PBRM1: variants seen among roughly 807,000 people sequenced by gnomAD.
PBRM1 encodes the protein protein polybromo-1.
PBRM1 carries 27 observed loss-of-function variants against 194.5 expected under a neutral mutation model. The observed-to-expected ratio is 0.14, with a 90% CI of 0.10 to 0.19. The LOEUF is 0.19. Among genes scored for constraint, PBRM1 ranks in the 10% least tolerant of loss-of-function variants. The probability of loss-of-function intolerance (pLI) is 1.00; values close to 1 mark genes in which losing one functional copy is unlikely to be tolerated. For synonymous variants in PBRM1, 655 were observed against 693.2 expected (o/e 0.94, Z 0.87); for missense variants, 1,466 against 2,077.2 (o/e 0.71, Z 5.72).
At chr3:52,563,124 A>C (rs1383410171) in intron 24 of PBRM1, among the ~76,000 whole-genome samples, 159 bp downstream of exon 26, 1 of 152,254 alleles carries the variant, frequency 6.6e-6, no homozygotes, top group Non-Finnish European at 1.5e-5. Context: ...ATCAAAAATA[A>C]ATGAATAAAT....
intron 22 of PBRM1, among the ~76,000 whole-genome samples, chr3:52,574,561 A>G (rs1349254498): frequency 6.6e-6 from 1 of 152,172 alleles, no homozygotes; most frequent in African/African-American, 2.4e-5. Context: ...TTTGGCCAAT[A>G]AGGGTTTTGA....
At chr3:52,628,135 T>C (rs947215392) in intron 12 of PBRM1, among the ~76,000 whole-genome samples, 8 of 152,090 alleles carry the variant, frequency 5.3e-5, no homozygotes, top group Admixed American at 3.9e-4. Context: ...ATAGACAATA[T>C]ACAAAGATTA....
chr3:52,612,258 C>CAAAAAAAAAAAAA (rs566481465), intron 15 of PBRM1, among the ~76,000 whole-genome samples: 279 of 23,968 alleles, frequency 0.012, 36 homozygotes, highest in African/African-American at 0.014. Context: ...GATTCCGTCT[C>CAAAAAAAAAAAAA]AAAAAAAAAA....
chr3:52,643,270 T>C (rs1577385768), exon 9 of PBRM1: 2 of 1,613,366 alleles, frequency 1.2e-6, no homozygotes, highest in African/African-American at 1.3e-5. Context: ...CTAGTGGGAT[T>C]TCTCTCTTCA....
At chr3:52,683,374 G>GA (rs71278617), upstream of PBRM1, among the ~76,000 whole-genome samples, 8,080 of 129,136 alleles carry the variant, frequency 0.063, 312 homozygotes, top group Non-Finnish European at 0.093. Flanking sequence ...ACCGTCTCAA[G>GA]AAAAAAAAAA....
intron 2 of PBRM1, 134 bp from the exon 4 acceptor site, chr3:52,668,779 TACTTAAAAAAAAAAAAAAAAGAAAAAAA>T: frequency 3.7e-6 from 1 of 268,878 alleles, no homozygotes; most frequent in Non-Finnish European, 6.1e-6. Context: ...CTTTGAAGCT[TACTTAAAAAAAAAAAAAAAAGAAAAAAA>T]TCTGCAAAAA....
chr3:52,606,512 C>T (rs1037862706), intron 16 of PBRM1, among the ~76,000 whole-genome samples: 9 of 152,160 alleles, frequency 5.9e-5, no homozygotes, highest in South Asian at 4.2e-4. Context: ...TCCATCATAT[C>T]GCATGGTTTA....
intron 2 of PBRM1, among the ~76,000 whole-genome samples, chr3:52,677,408 C>CTTTTTTT (rs71087007): frequency 1.8e-5 from 2 of 110,812 alleles, no homozygotes; most frequent in African/African-American, 9.1e-5. Context: ...CCATGCTCGG[C>CTTTTTTT]TTTTTTTTTT....
At chr3:52,563,409 T>C (rs776304609) in exon 24 of PBRM1, 4 of 1,613,984 alleles carry the variant, frequency 2.5e-6, no homozygotes, top group Non-Finnish European at 3.4e-6. Context: ...CATCTCCACC[T>C]TCTAACTCGG....
chr3:52,583,984 A>G (rs2153732099), intron 20 of PBRM1, among the ~76,000 whole-genome samples: 1 of 152,244 alleles, frequency 6.6e-6, no homozygotes, highest in African/African-American at 2.4e-5. Flanking sequence ...AAAATGTAAT[A>G]CATCTGGCAG....
intron 7 of PBRM1, among the ~76,000 whole-genome samples, chr3:52,647,456 AAAT>A (rs2096346419): frequency 1.8e-5 from 1 of 56,218 alleles, no homozygotes; most frequent in African/African-American, 7.8e-5. Context: ...AAAAAAAAAA[AAAT>A]ATATATATAT....
At chr3:52,545,675 T>G (rs1352027933), downstream of PBRM1, 2 of 233,154 alleles carry the variant, frequency 8.6e-6, no homozygotes, top group Non-Finnish European at 1.7e-5. Context: ...ACAAACATAC[T>G]GTTTTAAACC....
intron 17 of PBRM1, among the ~76,000 whole-genome samples, chr3:52,592,098 TAC>T (rs2093135161): frequency 6.6e-6 from 1 of 150,396 alleles, no homozygotes. Context: ...GTACTGGGAT[TAC>T]AGGTGTGAGC....
intron 22 of PBRM1, among the ~76,000 whole-genome samples, chr3:52,566,810 G>A (rs912557447): frequency 6.6e-6 from 1 of 152,128 alleles, no homozygotes; most frequent in African/African-American, 2.4e-5. Context: ...GGCTGGGCGT[G>A]GTAATCCTAG....
chr3:52,679,294 C>T (rs1296001285), intron 1 of PBRM1, among the ~76,000 whole-genome samples: 2 of 151,484 alleles, frequency 1.3e-5, no homozygotes, highest in Non-Finnish European at 2.9e-5. Flanking sequence ...CTTGTTTCCA[C>T]ATGGCTATAT....
At chr3:52,627,328 C>T (rs1305638216) in exon 13 of PBRM1, 8 of 1,613,594 alleles carry the variant, frequency 5.0e-6, no homozygotes, top group African/African-American at 2.7e-5. Flanking sequence ...ATGCTGTCTC[C>T]GTCCTCGATA....
chr3:52,675,501 G>A (rs893410359), intron 2 of PBRM1, among the ~76,000 whole-genome samples: 2 of 152,152 alleles, frequency 1.3e-5, no homozygotes, highest in African/African-American at 2.4e-5. Context: ...ATATTAAAAG[G>A]ATTATATACC....
exon 24 of PBRM1, chr3:52,563,429 C>T: frequency 6.2e-7 from 1 of 1,614,060 alleles, no homozygotes; most frequent in Non-Finnish European, 8.5e-7. Flanking sequence ...GCAAATTTAG[C>T]TTCTAGCAAC....
intron 2 of PBRM1, among the ~76,000 whole-genome samples, chr3:52,674,643 A>AAAAAATATAT (rs1193129880): frequency 4.1e-5 from 3 of 72,390 alleles, no homozygotes; most frequent in African/African-American, 1.2e-4. Flanking sequence ...AAAAAAAAAA[A>AAAAAATATAT]ATATATATAT....
Sources: gnomAD v4.1 joint callset for allele counts (sites outside exome capture counted in the v4.1 genomes callset) on GRCh38, gnomAD v4.1.1 for gene constraint, MANE v1.5 for transcripts, NCBI Gene and HGNC (gene_info 2026-07-23, HGNC 2026-07-21) for gene names.